NME6: variants seen among roughly 807,000 people sequenced by gnomAD.
NME6 encodes the protein nucleoside diphosphate kinase 6, mitochondrial.
NME6 carries 16 observed loss-of-function variants against 22.2 expected under a neutral mutation model. The observed-to-expected ratio is 0.72, with a 90% CI of 0.49 to 1.09. NME6 has a LOEUF of 1.09. Ranked by LOEUF, NME6 falls within the 50% of genes least tolerant of loss-of-function variation. The pLI is 0.00. For missense variants in NME6, 229 were observed against 239.0 expected (o/e 0.96, Z 0.28); for synonymous variants, 58 against 85.2 (o/e 0.68, Z 1.76).
Position 48,293,282 on chromosome 3 carries a change from C to A in NME6, c.*1355G>T, listed in dbSNP as rs954496057. The A allele has an allele frequency of 6.6e-6, 1 of 152,190 alleles. No individual in the cohort carries two copies. Among genetic ancestry groups the A allele is most frequent in the African/African-American group, 2.4e-5 (1 of 41,434 alleles). The allele number at this position is 152,190 out of a possible 1,614,324, so 9.4% of individuals were successfully genotyped here. On this transcript the variant is annotated 3_prime_UTR_variant, in exon 6 of 6. Transcript: ENST00000442597. ...TAGATGCTGTTTATATTTTGCACAG[C>A]TTTTCTAGTTGTTCTCTATGTTCAG...
At chr3:48,298,877 A>G (rs1372704563) in intron 1 of NME6, 8 of 677,998 alleles carry the variant, frequency 1.2e-5, no homozygotes, top group African/African-American at 5.3e-5. Context: ...AGGATTTACA[A>G]TTTATACTCC....
At chr3:48,299,294 G>A (rs1439501020) in intron 1 of NME6, 1 of 263,286 alleles carries the variant, frequency 3.8e-6, no homozygotes, top group Non-Finnish European at 7.1e-6. Flanking sequence ...TGGTGTAAGA[G>A]CTCAATATTG....
At chr3:48,301,280 CG>C (rs780256532) in intron 1 of NME6, 72 bp downstream of exon 1, 2 of 1,597,922 alleles carry the variant, frequency 1.3e-6, no homozygotes, top group Non-Finnish European at 1.7e-6. Flanking sequence ...CCCTCGTACC[CG>C]GGGCCTAAGC....
chr3:48,296,828 G>T lies in NME6; in HGVS notation c.92C>A (p.Ala31Asp). 2 of 1,609,560 alleles carry T rather than the reference G, an allele frequency of 1.2e-6. No homozygotes were observed. The highest frequency in any genetic ancestry group is 1.7e-6 in the Non-Finnish European group (2 of 1,176,834). Residue 31 changes from alanine to aspartate, a missense_variant and splice_region_variant, in exon 3 of 6, where the codon GCT becomes GAT. Transcript: ENST00000442597. Reference sequence around the variant, plus strand: ...GTTGCTTAGAATCTGCTGATGAACAGCCTGAATAAAGACCATCCCCAAAAT... The same window carrying T: ...GTTGCTTAGAATCTGCTGATGAACATCCTGAATAAAGACCATCCCCAAAAT... ...DAVAHPLILE[A>D]VHQQILSNKF...
chr3:48,289,986 T>G (rs1371941828), downstream of NME6, among the ~76,000 whole-genome samples: 1 of 152,102 alleles, frequency 6.6e-6, no homozygotes. Context: ...TATGTTATCT[T>G]TTGTGTGAGG....
chr3:48,294,992 C>A, intron 5 of NME6, 83 bp downstream of exon 5: 2 of 1,516,214 alleles, frequency 1.3e-6, no homozygotes, highest in Non-Finnish European at 1.8e-6. Context: ...AGAAAGCTCA[C>A]TGGAGGGACC....
At chr3:48,291,416 T>C, downstream of NME6, 1 of 368,580 alleles carries the variant, frequency 2.7e-6, no homozygotes, top group Non-Finnish European at 5.3e-6. Context: ...AGGGTCTCAC[T>C]GTCACCCAGG....
rs1251327004 is a variant in NME6 at position 48,293,765 on chromosome 3, TCTTTGCATTTTTCAG to T, written c.*857_*871del. On this transcript the variant is annotated 3_prime_UTR_variant, in exon 6 of 6. Coordinates refer to ENST00000442597, the MANE Select transcript of NME6 (RefSeq NM_001308426.2). ...TGAGGACCCAATCATGTCTTAACCATCTTTGCATTTTTCAGTATGTCTTGAATAGAGAATTTATGA... is the reference window on the plus strand; with the variant it reads ...TGAGGACCCAATCATGTCTTAACCATTATGTCTTGAATAGAGAATTTATGA... The T allele has an allele frequency of 6.6e-6, 1 of 152,192 alleles. No homozygotes were observed. The highest frequency in any genetic ancestry group is 1.5e-5 in the Non-Finnish European group (1 of 68,036). The allele number at this position is 152,192 out of a possible 1,614,324, so 9.4% of individuals were successfully genotyped here.
chr3:48,299,887 C>T (rs925076052), intron 1 of NME6, among the ~76,000 whole-genome samples: 6 of 152,202 alleles, frequency 3.9e-5, no homozygotes, highest in Non-Finnish European at 8.8e-5. Context: ...GGTGGTAACA[C>T]GTCATTTTCA....
chr3:48,289,560 C>T (rs916179109), downstream of NME6, among the ~76,000 whole-genome samples: 8 of 152,136 alleles, frequency 5.3e-5, no homozygotes, highest in East Asian at 1.9e-4. Context: ...GTGCAAGACT[C>T]GGTGTTTCCT....
intron 1 of NME6, chr3:48,299,003 G>C (rs1468481390): frequency 1.4e-6 from 1 of 702,856 alleles, no homozygotes; most frequent in South Asian, 1.5e-5. Flanking sequence ...CAGCAACTGA[G>C]GTGCTACCAG....
In NME6 at chr3:48,294,151, T is replaced by C. The variant is rs1262211812; in HGVS notation, c.*486A>G. On this transcript the variant is annotated 3_prime_UTR_variant, in exon 6 of 6. Coordinates refer to ENST00000442597, the MANE Select transcript of NME6 (RefSeq NM_001308426.2). ...GTGCAATGGCACGATCTCGGCTCAC[T>C]GCACCCTCTGCCTCCCAGGTTCAAG... 1.3e-5 allele frequency: 2 copies of C among 152,290 alleles called. No homozygotes were observed. The highest frequency in any genetic ancestry group is 2.9e-5 in the Non-Finnish European group (2 of 68,346). 9.4% of individuals were successfully genotyped at this position (152,290 alleles called of 1,614,324 possible). A position where few individuals can be genotyped will look rare whatever the true frequency, so the allele number is the denominator to read the frequency against.
At chr3:48,292,079 ATC>A, downstream of NME6, 1 of 152,310 alleles carries the variant, frequency 6.6e-6, no homozygotes, top group Non-Finnish European at 1.5e-5. Flanking sequence ...AAACTTAATT[ATC>A]TCCCAAATGT....
chr3:48,295,324 A>G, intron 4 of NME6, 89 bp from the exon 5 acceptor site: 1 of 1,384,038 alleles, frequency 7.2e-7, no homozygotes, highest in Non-Finnish European at 9.7e-7. Flanking sequence ...AACACACTCT[A>G]CGTTCTGAGA....
At chr3:48,300,065 G>C (rs1462372867) in intron 1 of NME6, among the ~76,000 whole-genome samples, 1 of 152,152 alleles carries the variant, frequency 6.6e-6, no homozygotes, top group African/African-American at 2.4e-5. Context: ...ATTCCCCTCT[G>C]GACATCTTGA....
chr3:48,291,577 G>A (rs1403538206), downstream of NME6: 1 of 168,392 alleles, frequency 5.9e-6, no homozygotes, highest in African/African-American at 2.4e-5. Context: ...AGACACAGGG[G>A]TCTCACCATG....
chr3:48,293,413 G>C lies in NME6; in HGVS notation c.*1224C>G, dbSNP rs2034708894. 6.6e-6 allele frequency: 1 copy of C among 152,166 alleles called. No individual in the cohort carries two copies. The highest frequency in any genetic ancestry group is 2.4e-5 in the African/African-American group (1 of 41,438). 9.4% of individuals were successfully genotyped at this position (152,166 alleles called of 1,614,324 possible). A position where few individuals can be genotyped will look rare whatever the true frequency, so the allele number is the denominator to read the frequency against. The stretch of plus-strand genomic sequence containing the variant: ...CCAAAAAGAGAAATACACATGTACT[G>C]AGAAAGAAAAGTCAAGACCTGTAAG... On this transcript the variant is annotated 3_prime_UTR_variant, in exon 6 of 6. Transcript: ENST00000442597.
At position 48,293,573 on chromosome 3, in the gene NME6, A is replaced by G. The variant is rs184417395; in HGVS notation, c.*1064T>C. On this transcript the variant is annotated 3_prime_UTR_variant, in exon 6 of 6. Coordinates refer to ENST00000442597, the MANE Select transcript of NME6 (RefSeq NM_001308426.2). ...TTCAGGCTTAGTTCCAAAGCCAGCT[A>G]TATCTTTTATAAAAGACTTTCCACC... 10 of 152,262 alleles carry G rather than the reference A, an allele frequency of 6.6e-5. No individual in the cohort carries two copies. Among genetic ancestry groups the G allele is most frequent in the East Asian group, 5.8e-4 (3 of 5,176 alleles). The allele number at this position is 152,262 out of a possible 1,614,324, so 9.4% of individuals were successfully genotyped here.
downstream of NME6, chr3:48,291,094 T>C (rs1209095950): frequency 1.4e-5 from 4 of 290,436 alleles, no homozygotes; most frequent in African/African-American, 4.6e-5. Context: ...AGGGATACAC[T>C]TGGCATATAG....
Sources: allele counts gnomAD v4.1 joint callset (sites outside exome capture counted in the v4.1 genomes callset), GRCh38; gene constraint gnomAD v4.1.1; transcripts MANE v1.5; gene names NCBI Gene and HGNC (gene_info 2026-07-23, HGNC 2026-07-21).